DPY19L1: variants seen among roughly 807,000 people sequenced by gnomAD.
DPY19L1 encodes the protein protein C-mannosyl-transferase DPY19L1.
Under a neutral mutation model 96.9 loss-of-function variants are expected in DPY19L1, and 35 were observed. That is an observed-to-expected ratio of 0.36 (90% CI 0.28 to 0.48). The LOEUF (loss-of-function observed/expected upper bound fraction) is 0.48. Ranked by LOEUF, DPY19L1 falls within the 20% of genes least tolerant of loss-of-function variation. The pLI is 0.99. For synonymous variants in DPY19L1, 205 were observed against 252.6 expected, an observed-to-expected ratio of 0.81 and a Z score of 1.79; for missense variants, 521 against 777.9, an observed-to-expected ratio of 0.67 and a Z score of 3.93.
chr7:35,004,291 C>T lies in DPY19L1; in HGVS notation c.764+6177G>A, dbSNP rs371699269. Reference sequence around the variant, plus strand: ...AAGACCATGACTCAGAAATTCTCTTCTTCTGGGAACTTTCATCTAACAAGG... The same window carrying T: ...AAGACCATGACTCAGAAATTCTCTTTTTCTGGGAACTTTCATCTAACAAGG... On this transcript the variant is annotated intron_variant, in intron 6 of 21. Coordinates refer to ENST00000638088, the MANE Select transcript of DPY19L1 (RefSeq NM_001366673.1). Among the ~76,000 whole-genome samples, 135 of 152,306 alleles carry T rather than the reference C, an allele frequency of 8.9e-4. 1 individual carries two copies. The East Asian group carries it at 0.02, about 22-fold the overall frequency.
At chr7:34,947,352 G>T (rs937384334) in intron 15 of DPY19L1, among the ~76,000 whole-genome samples, 1 of 152,176 alleles carries the variant, frequency 6.6e-6, no homozygotes, top group Admixed American at 6.5e-5. Flanking sequence ...CAGGCAAGTT[G>T]TATCTGGGTC....
intron 6 of DPY19L1, among the ~76,000 whole-genome samples, chr7:34,997,529 G>A (rs1479571124): frequency 2.2e-4 from 31 of 143,904 alleles, no homozygotes; most frequent in African/African-American, 7.7e-4. Context: ...AGAATGGCGT[G>A]AACCCAGGAG....
At position 34,976,128 on chromosome 7, in the gene DPY19L1, G is replaced by T. The variant is rs77147831; in HGVS notation, c.823-2523C>A. Among the ~76,000 whole-genome samples, 147 of 152,288 alleles carry T rather than the reference G, an allele frequency of 9.7e-4. 2 individuals carry two copies. The East Asian group carries it at 0.021, about 22-fold the overall frequency. ...TAGCTGCTATAGTGATTCCTCTGATGAGTCTGGACAAATGAAATTTAAATC... is the reference window on the plus strand; with the variant it reads ...TAGCTGCTATAGTGATTCCTCTGATTAGTCTGGACAAATGAAATTTAAATC... On this transcript the variant is annotated intron_variant, in intron 7 of 21. Transcript: ENST00000638088.
chr7:34,988,115 G>C (rs1479483070), intron 7 of DPY19L1: 1 of 152,074 alleles, frequency 6.6e-6, no homozygotes, highest in Non-Finnish European at 1.5e-5. Flanking sequence ...TGTAAGGAAT[G>C]ATGTTCATGC....
chr7:35,009,798 G>A (rs1785657628), intron 6 of DPY19L1, among the ~76,000 whole-genome samples: 1 of 152,056 alleles, frequency 6.6e-6, no homozygotes, highest in Non-Finnish European at 1.5e-5. Flanking sequence ...ACAGTAAGAA[G>A]TAAGACTTCA....
intron 21 of DPY19L1, among the ~76,000 whole-genome samples, chr7:34,933,385 T>G (rs1196534153): frequency 6.6e-6 from 1 of 152,236 alleles, no homozygotes; most frequent in African/African-American, 2.4e-5. Context: ...CATACAATAT[T>G]TGCTATCTGC....
At chr7:34,991,058 T>G (rs369169085) in intron 6 of DPY19L1, among the ~76,000 whole-genome samples, 2 of 152,216 alleles carry the variant, frequency 1.3e-5, no homozygotes, top group African/African-American at 4.8e-5. Context: ...CTGTTTGCCT[T>G]GGCAAAAGAG....
At chr7:34,950,473 G>A (rs1385266209) in intron 13 of DPY19L1, among the ~76,000 whole-genome samples, 1 of 152,174 alleles carries the variant, frequency 6.6e-6, no homozygotes, top group Non-Finnish European at 1.5e-5. Flanking sequence ...TGTGAGGAAG[G>A]TGGATTTTCA....
intron 8 of DPY19L1, among the ~76,000 whole-genome samples, chr7:34,971,705 T>TA (rs1784727882): frequency 6.6e-6 from 1 of 151,924 alleles, no homozygotes; most frequent in African/African-American, 2.4e-5. Context: ...GATAAGAGAC[T>TA]AAAGAAAACA....
Position 34,940,386 on chromosome 7 carries a change from T to C in DPY19L1, c.1690-59A>G, listed in dbSNP as rs1161244528. 6 of 1,446,898 alleles carry C rather than the reference T, an allele frequency of 4.1e-6. No homozygotes were observed. The Admixed American group carries it at 6.6e-5, about 16-fold the overall frequency. The allele number at this position is 1,446,898 out of a possible 1,614,324, so 89.6% of individuals were successfully genotyped here. A position where few individuals can be genotyped will look rare whatever the true frequency, so the allele number is the denominator to read the frequency against. On this transcript the variant is annotated intron_variant, in intron 18 of 21. Coordinates refer to ENST00000638088, the MANE Select transcript of DPY19L1 (RefSeq NM_001366673.1). ...TAGTATAAGTAGTATGCATCTGTTA[T>C]GCAAAACTTCTTCCCAGAGAAGAAT...
chr7:34,973,701 ATAATT>A (rs1562812560), intron 7 of DPY19L1, 96 bp from the exon 8 acceptor site: 1 of 621,056 alleles, frequency 1.6e-6, no homozygotes, highest in Non-Finnish European at 2.4e-6. Flanking sequence ...TTTTTAACAA[ATAATT>A]TAAACGGTGT....
intron 10 of DPY19L1, among the ~76,000 whole-genome samples, chr7:34,964,651 T>A (rs1348191565): frequency 1.3e-5 from 2 of 152,196 alleles, no homozygotes; most frequent in Admixed American, 6.5e-5. Context: ...ACAGATGTAG[T>A]AAAGCATTTC....
At chr7:35,030,490 G>T (rs1786234025) in intron 1 of DPY19L1, among the ~76,000 whole-genome samples, 2 of 152,246 alleles carry the variant, frequency 1.3e-5, no homozygotes, top group Non-Finnish European at 1.5e-5. Context: ...TTCTGTAAGT[G>T]GTCTTGGTGA....
intron 7 of DPY19L1, among the ~76,000 whole-genome samples, chr7:34,981,232 T>C (rs952315869): frequency 6.6e-6 from 1 of 152,102 alleles, no homozygotes. Flanking sequence ...CAAAAAGAAC[T>C]GCAATGGATT....
At chr7:35,008,889 C>T (rs535144294) in intron 6 of DPY19L1, among the ~76,000 whole-genome samples, 4 of 152,162 alleles carry the variant, frequency 2.6e-5, no homozygotes, top group Non-Finnish European at 4.4e-5. Context: ...TGGCTCATTA[C>T]GATGCAAGCA....
At chr7:35,035,280 C>G (rs1195901922) in intron 1 of DPY19L1, among the ~76,000 whole-genome samples, 1 of 152,158 alleles carries the variant, frequency 6.6e-6, no homozygotes, top group East Asian at 1.9e-4. Flanking sequence ...CCTTTCAATG[C>G]TCAAAGGGGC....
rs756416097 is a variant in DPY19L1 at position 34,966,896 on chromosome 7, T to C, written c.1090A>G (p.Met364Val). The change falls in exon 10 of 22, where the codon ATG becomes GTG. Residue 364 changes from methionine (M) to valine (V), a missense_variant and splice_region_variant. Physicochemically the swap from Met to Val is conservative, Grantham distance 21. Coordinates refer to ENST00000638088, the MANE Select transcript of DPY19L1 (RefSeq NM_001366673.1). ...CKLRKIIYIH[M>V]ISLALCFVLM... Reference sequence around the variant, plus strand: ...AAAGAACAATAAAAAATTATTACCATGTGTATATAAATGATCTTCCGTAAT... The same window carrying C: ...AAAGAACAATAAAAAATTATTACCACGTGTATATAAATGATCTTCCGTAAT... 24 of 1,525,566 alleles carry C rather than the reference T, an allele frequency of 1.6e-5. No homozygotes were observed. The highest frequency in any genetic ancestry group is 2.5e-5 in the East Asian group (1 of 40,484). The allele number at this position is 1,525,566 out of a possible 1,614,324, so 94.5% of individuals were successfully genotyped here.
chr7:34,995,037 C>A (rs1213195662), intron 6 of DPY19L1, among the ~76,000 whole-genome samples: 1 of 151,804 alleles, frequency 6.6e-6, no homozygotes, highest in Non-Finnish European at 1.5e-5. Context: ...CAAAAGAGGC[C>A]GATTTTTTTC....
In DPY19L1 at chr7:34,967,106, A is replaced by G. The variant is rs1784627613; in HGVS notation, c.1015-135T>C. On this transcript the variant is annotated intron_variant, in intron 9 of 21. Coordinates refer to ENST00000638088, the MANE Select transcript of DPY19L1 (RefSeq NM_001366673.1). ...TTCTTCTGTTTTCCTTTTATCTGAC[A>G]ATTTATTATTAAATATAGTCAATAT... 30 of 559,940 alleles carry G rather than the reference A, an allele frequency of 5.4e-5. 1 individual carries two copies. In the South Asian group the frequency reaches 8.7e-4, roughly 16 times the overall value. The allele number at this position is 559,940 out of a possible 1,614,324, so 34.7% of individuals were successfully genotyped here.
Sources: allele counts gnomAD v4.1 joint callset (sites outside exome capture counted in the v4.1 genomes callset), GRCh38; gene constraint gnomAD v4.1.1; transcripts MANE v1.5; gene names NCBI Gene and HGNC (gene_info 2026-07-23, HGNC 2026-07-21).